Variants in SNTB1 observed in about 807,000 individuals in gnomAD.
SNTB1 encodes syntrophin beta 1.
Under a neutral mutation model 48.9 loss-of-function variants are expected in SNTB1, and 36 were observed. That is an observed-to-expected ratio of 0.74 (90% CI 0.56 to 0.97). SNTB1 has a LOEUF of 0.97. Among genes scored for constraint, SNTB1 ranks in the 50% least tolerant of loss-of-function variants. SNTB1 has a pLI of 0.00. For synonymous variants in SNTB1, 299 were observed against 294.6 expected, an observed-to-expected ratio of 1.01 and a Z score of -0.15; for missense variants, 786 against 703.4, an observed-to-expected ratio of 1.12 and a Z score of -1.33.
rs140074104 is a variant in SNTB1 at position 120,693,186 on chromosome 8, A to G, written c.788+506T>C. On this transcript the variant is annotated intron_variant, in intron 2 of 6. Transcript: ENST00000517992. ...ACTGCCTCGGGGCGGGCACCAAGCC[A>G]TTCATGAGGGTTCTGCCCCCATGAC... is the stretch of plus-strand genomic sequence containing the variant. 1.4e-4 allele frequency among the ~76,000 whole-genome samples: 22 copies of G among 152,286 alleles called. 1 individual carries two copies. The East Asian group carries it at 4.1e-3, about 28-fold the overall frequency.
intron 1 of SNTB1, among the ~76,000 whole-genome samples, chr8:120,743,302 A>G (rs1310021594): frequency 1.3e-5 from 2 of 152,198 alleles, no homozygotes; most frequent in Admixed American, 6.5e-5. Context: ...TTTTATTATC[A>G]TTTGGGGTCA....
At position 120,654,095 on chromosome 8, in the gene SNTB1, T is replaced by TA. The variant is rs77907766; in HGVS notation, c.789-21445dup. Among the ~76,000 whole-genome samples, 4 of 129,588 alleles carry TA rather than the reference T, an allele frequency of 3.1e-5. No individual in the cohort carries two copies. The East Asian group carries it at 1.0e-3, about 33-fold the overall frequency. The allele number at this position is 129,588 out of a possible 152,430, so 85.0% of individuals were successfully genotyped here. On this transcript the variant is annotated intron_variant, in intron 2 of 6. Transcript: ENST00000517992. ...AAGTTGTCTTCTTGGCAATAAATCT[T>TA]ACTCCCACTAACATTCAGTTTTATA...
At chr8:120,730,596 C>G (rs1014495184) in intron 1 of SNTB1, among the ~76,000 whole-genome samples, 2 of 152,152 alleles carry the variant, frequency 1.3e-5, no homozygotes, top group African/African-American at 4.8e-5. Flanking sequence ...CACCTTCTTA[C>G]GTCTCTTCAA....
intron 3 of SNTB1, among the ~76,000 whole-genome samples, chr8:120,594,674 G>T (rs1816294955): frequency 1.3e-5 from 2 of 152,142 alleles, no homozygotes. Flanking sequence ...GCAACCGGCT[G>T]CTCATGTCTT....
At chr8:120,760,103 A>C (rs1819390980) in intron 1 of SNTB1, among the ~76,000 whole-genome samples, 1 of 152,192 alleles carries the variant, frequency 6.6e-6, no homozygotes, top group African/African-American at 2.4e-5. Flanking sequence ...CACAGTATTG[A>C]AGTTTGATAT....
At chr8:120,636,644 G>A in intron 2 of SNTB1, among the ~76,000 whole-genome samples, 1 of 150,916 alleles carries the variant, frequency 6.6e-6, no homozygotes, top group Non-Finnish European at 1.5e-5. Context: ...GTCCATCATT[G>A]TTGGACATTT....
chr8:120,579,632 T>C (rs1042904387), intron 3 of SNTB1, among the ~76,000 whole-genome samples: 3 of 152,094 alleles, frequency 2.0e-5, no homozygotes, highest in Admixed American at 1.3e-4. Flanking sequence ...TGAGTCAAGA[T>C]TGCACCACTG....
chr8:120,681,911 G>T (rs1817937659), intron 2 of SNTB1, among the ~76,000 whole-genome samples: 1 of 148,090 alleles, frequency 6.8e-6, no homozygotes, highest in African/African-American at 2.5e-5. Context: ...CAAACAAACA[G>T]AAAACAGTAA....
intron 1 of SNTB1, among the ~76,000 whole-genome samples, chr8:120,733,315 G>C (rs1475466465): frequency 6.6e-6 from 1 of 152,204 alleles, no homozygotes; most frequent in East Asian, 1.9e-4. Context: ...TAAATTGAGG[G>C]CACCAAAAGG....
Position 120,811,638 on chromosome 8 carries a change from C to A in SNTB1, c.206G>T (p.Cys69Phe). The A allele has an allele frequency of 1.3e-6, 2 of 1,594,218 alleles. No individual in the cohort carries two copies. Among genetic ancestry groups the A allele is most frequent in the Non-Finnish European group, 8.5e-7 (1 of 1,173,876 alleles). ...GIGTATNGSFCRGAGAGHPGA... is the reference protein window; with the variant it reads ...GIGTATNGSFFRGAGAGHPGA... ...CGGGTGCCCAGCCCCGGCGCCCCTGCAGAACGAGCCATTGGTGGCGGTCCC... is the reference window on the plus strand; with the variant it reads ...CGGGTGCCCAGCCCCGGCGCCCCTGAAGAACGAGCCATTGGTGGCGGTCCC... Residue 69 changes from cysteine to phenylalanine, a missense_variant, in exon 1 of 7, where the codon TGC (cysteine) becomes TTC (phenylalanine). Physicochemically the swap from Cys to Phe is radical, Grantham distance 205. Coordinates refer to ENST00000517992, the MANE Select transcript of SNTB1 (RefSeq NM_021021.4).
chr8:120,551,042 GGTCAGGA>G (rs1174955785), intron 4 of SNTB1, among the ~76,000 whole-genome samples: 1 of 152,078 alleles, frequency 6.6e-6, no homozygotes, highest in Non-Finnish European at 1.5e-5. Flanking sequence ...TGTATCACGA[GGTCAGGA>G]GTTCAAGACA....
chr8:120,798,556 T>C (rs1391760921), intron 1 of SNTB1, among the ~76,000 whole-genome samples: 1 of 152,102 alleles, frequency 6.6e-6, no homozygotes, highest in South Asian at 2.1e-4. Flanking sequence ...GAAACCTTGA[T>C]GTACACAATA....
intron 1 of SNTB1, among the ~76,000 whole-genome samples, chr8:120,725,453 A>G (rs1818736369): frequency 6.6e-6 from 1 of 152,210 alleles, no homozygotes; most frequent in Non-Finnish European, 1.5e-5. Flanking sequence ...AGGGGAACCC[A>G]AACTTTGAGT....
chr8:120,636,004 A>G (rs1817068954), intron 2 of SNTB1: 2 of 975,620 alleles, frequency 2.0e-6, no homozygotes, highest in South Asian at 1.9e-5. Context: ...CAATAGAACC[A>G]GAAGATCTTT....
chr8:120,790,744 T>C (rs1402164072), intron 1 of SNTB1, among the ~76,000 whole-genome samples: 1 of 151,862 alleles, frequency 6.6e-6, no homozygotes, highest in Non-Finnish European at 1.5e-5. Flanking sequence ...TCATAGATGA[T>C]ACAAACAAAT....
chr8:120,636,933 T>C (rs1057363705), intron 2 of SNTB1: 7 of 266,500 alleles, frequency 2.6e-5, no homozygotes, highest in African/African-American at 9.1e-5. Context: ...TAAGATCTCA[T>C]TGCAAATTTT....
Position 120,548,842 on chromosome 8 carries a change from C to A in SNTB1, c.1253G>T (p.Ser418Ile). The A allele has an allele frequency of 6.2e-7, 1 of 1,614,092 alleles. No individual in the cohort carries two copies. Residue 418 changes from serine to isoleucine, a missense_variant, in exon 5 of 7, where the codon AGC (serine) becomes ATC (isoleucine). By Grantham distance (142) the Ser-to-Ile change is moderately radical (BLOSUM62 -2). Coordinates refer to ENST00000517992, the MANE Select transcript of SNTB1 (RefSeq NM_021021.4). ...IETHLFRAET[S>I]RDLSHWTRSI... ...CCTTGTCCAGTGGGAGAGGTCCCTGCTGGTCTCTGCTCTGAAGAGATGTGT... is the reference window on the plus strand; with the variant it reads ...CCTTGTCCAGTGGGAGAGGTCCCTGATGGTCTCTGCTCTGAAGAGATGTGT...
intron 2 of SNTB1, among the ~76,000 whole-genome samples, chr8:120,638,650 T>C (rs1156803497): frequency 1.1e-4 from 16 of 152,240 alleles, no homozygotes; most frequent in Admixed American, 5.9e-4. Context: ...AGTGAGAACA[T>C]GTGGTGTTTG....
At chr8:120,595,135 G>A (rs375642516) in intron 3 of SNTB1, among the ~76,000 whole-genome samples, 1 of 151,966 alleles carries the variant, frequency 6.6e-6, no homozygotes, top group Non-Finnish European at 1.5e-5. Context: ...TTGTCTCTGC[G>A]GTGGACTTGT....
Sources: allele counts gnomAD v4.1 joint callset (sites outside exome capture counted in the v4.1 genomes callset), GRCh38; gene constraint gnomAD v4.1.1; transcripts MANE v1.5; gene names NCBI Gene and HGNC (gene_info 2026-07-23, HGNC 2026-07-21).